The following DCLK1 variants were observed in gnomAD, a reference collection of about 807,000 sequenced individuals.
DCLK1 encodes doublecortin like kinase 1.
In DCLK1, 16 loss-of-function variants were observed where a neutral mutation model predicts 86.2. That is an observed-to-expected ratio of 0.19 (90% CI 0.13 to 0.28). DCLK1 has a LOEUF of 0.28. DCLK1 is among the 10% of genes least tolerant of loss of function. DCLK1 has a pLI of 1.00. For synonymous variants in DCLK1, 369 were observed against 370.5 expected, an observed-to-expected ratio of 1.00 and a Z score of 0.05; for missense variants, 590 against 940.2, an observed-to-expected ratio of 0.63 and a Z score of 4.87.
intron 4 of DCLK1, among the ~76,000 whole-genome samples, chr13:35,920,699 A>C (rs1875746958): frequency 6.6e-6 from 1 of 152,110 alleles, no homozygotes; most frequent in African/African-American, 2.4e-5. Context: ...GAGGGCCATG[A>C]ATCTGCAGGC....
intron 15 of DCLK1, among the ~76,000 whole-genome samples, chr13:35,795,362 T>C (rs1379893481): frequency 6.6e-6 from 1 of 152,188 alleles, no homozygotes; most frequent in East Asian, 1.9e-4. Flanking sequence ...AGACTGGCCA[T>C]AAATGAATAC....
intron 2 of DCLK1, among the ~76,000 whole-genome samples, chr13:36,113,850 A>G (rs1037285524): frequency 6.6e-6 from 1 of 152,190 alleles, no homozygotes; most frequent in East Asian, 1.9e-4. Context: ...GAAAAATTCA[A>G]AAACAAAATT....
intron 4 of DCLK1, among the ~76,000 whole-genome samples, chr13:35,933,938 C>T (rs989318522): frequency 2.0e-5 from 3 of 152,176 alleles, no homozygotes; most frequent in Non-Finnish European, 2.9e-5. Flanking sequence ...ATTTTTCAAA[C>T]TTTTATGCTC....
intron 6 of DCLK1, chr13:35,850,902 A>T: frequency 1.4e-6 from 1 of 734,430 alleles, no homozygotes; most frequent in East Asian, 3.1e-5. Context: ...CAAGTCACCA[A>T]CTTGGATTAG....
At chr13:36,003,384 T>C (rs61948278) in intron 3 of DCLK1, among the ~76,000 whole-genome samples, 55,278 of 152,058 alleles carry the variant, frequency 0.36, 11,222 homozygotes, top group Non-Finnish European at 0.45. Flanking sequence ...AACATGTGTC[T>C]TATACACTAC....
chr13:35,799,227 G>A (rs2086870944), intron 15 of DCLK1, among the ~76,000 whole-genome samples: 1 of 141,276 alleles, frequency 7.1e-6, no homozygotes, highest in Non-Finnish European at 1.5e-5. Context: ...GGCTCCAGTG[G>A]GCTTCAGGCT....
chr13:35,895,595 T>A (rs1354535807), intron 4 of DCLK1, among the ~76,000 whole-genome samples: 1 of 152,206 alleles, frequency 6.6e-6, no homozygotes, highest in Non-Finnish European at 1.5e-5. Flanking sequence ...GCTAATTATG[T>A]CTTTGCATTT....
intron 6 of DCLK1, chr13:35,846,201 T>C (rs1870161910): frequency 1.0e-6 from 1 of 985,238 alleles, no homozygotes. Flanking sequence ...CAACTGAAAC[T>C]GTGAGCAGAA....
At chr13:36,089,542 A>T (rs759559751) in intron 3 of DCLK1, among the ~76,000 whole-genome samples, 1 of 152,190 alleles carries the variant, frequency 6.6e-6, no homozygotes, top group Non-Finnish European at 1.5e-5. Flanking sequence ...TGTCCATTGC[A>T]AAGTGTTCCC....
At chr13:35,826,873 AT>A (rs1205289919) in intron 10 of DCLK1, among the ~76,000 whole-genome samples, 2 of 152,156 alleles carry the variant, frequency 1.3e-5, no homozygotes, top group African/African-American at 2.4e-5. Flanking sequence ...CAATTACAAC[AT>A]TCTCCAACTA....
chr13:36,120,956 T>C (rs536174460), intron 2 of DCLK1, among the ~76,000 whole-genome samples: 2 of 152,104 alleles, frequency 1.3e-5, no homozygotes, highest in Non-Finnish European at 2.9e-5. Context: ...ATTTTGCAAA[T>C]AGTGCTTAAA....
intron 4 of DCLK1, among the ~76,000 whole-genome samples, chr13:35,888,381 A>G (rs2153118567): frequency 6.6e-6 from 1 of 152,346 alleles, no homozygotes; most frequent in East Asian, 1.9e-4. Flanking sequence ...AGAAAAGGTT[A>G]GAAACATCTA....
intron 5 of DCLK1, among the ~76,000 whole-genome samples, chr13:35,859,514 G>A (rs1871263363): frequency 6.6e-6 from 1 of 152,104 alleles, no homozygotes; most frequent in Non-Finnish European, 1.5e-5. Flanking sequence ...CCTCCCGACG[G>A]TACATGACCC....
intron 4 of DCLK1, among the ~76,000 whole-genome samples, chr13:35,915,796 C>G (rs1374404853): frequency 2.0e-5 from 3 of 152,100 alleles, no homozygotes. Flanking sequence ...GGTAAGTAAT[C>G]TAAACATTCA....
chr13:35,793,485 GA>G lies in DCLK1; in HGVS notation c.1945-7del. 6.3e-7 allele frequency: 1 copy of G among 1,580,856 alleles called. No homozygotes were observed. Among genetic ancestry groups the G allele is most frequent in the Non-Finnish European group, 8.6e-7 (1 of 1,165,182 alleles). On this transcript the variant is annotated splice_region_variant and splice_polypyrimidine_tract_variant and intron_variant, in intron 15 of 16. Coordinates refer to ENST00000360631, the MANE Select transcript of DCLK1 (RefSeq NM_001330071.2). ...TTTTCTGGGAGGCCATCATCCTGGA[GA>G]AAAAGAAATAAAGAGAAGAGAAAAA...
intron 3 of DCLK1, among the ~76,000 whole-genome samples, chr13:35,976,573 C>T (rs1245449660): frequency 3.9e-5 from 4 of 101,712 alleles, no homozygotes; most frequent in Non-Finnish European, 8.7e-5. Flanking sequence ...CTCTGTCGCC[C>T]AGGCTGGAGT....
chr13:36,095,172 T>C (rs1884962282), intron 3 of DCLK1, among the ~76,000 whole-genome samples: 2 of 130,612 alleles, frequency 1.5e-5, no homozygotes, highest in South Asian at 2.9e-4. Flanking sequence ...TCTCTCTCTT[T>C]GTTTTTTTTT....
At chr13:35,813,559 T>C (rs942341455) in intron 11 of DCLK1, among the ~76,000 whole-genome samples, 1 of 152,088 alleles carries the variant, frequency 6.6e-6, no homozygotes, top group African/African-American at 2.4e-5. Flanking sequence ...AAAAAATCAC[T>C]AAAAATCTTC....
intron 8 of DCLK1, among the ~76,000 whole-genome samples, chr13:35,831,268 CAAAGCCACATAATAAAATCCATAATA>C (rs1566556608): frequency 6.6e-6 from 1 of 152,102 alleles, no homozygotes; most frequent in Non-Finnish European, 1.5e-5. Context: ...GGCCGAACTA[CAAAGCCACATAATAAAATCCATAATA>C]AAAGCCACAT....
Sources: allele counts gnomAD v4.1 joint callset (sites outside exome capture counted in the v4.1 genomes callset), GRCh38; gene constraint gnomAD v4.1.1; transcripts MANE v1.5; gene names NCBI Gene and HGNC (gene_info 2026-07-23, HGNC 2026-07-21).